TMEM178B: variants seen among roughly 807,000 people sequenced by gnomAD.
TMEM178B encodes transmembrane protein 178B.
Under a neutral mutation model 31.0 loss-of-function variants are expected in TMEM178B, and 5 were observed. The ratio of observed to expected loss-of-function variants is 0.16; its 90% CI spans 0.08 to 0.34. The LOEUF is 0.34. Ranked by LOEUF, TMEM178B falls within the 10% of genes least tolerant of loss-of-function variation. TMEM178B has a pLI of 1.00. For missense variants in TMEM178B, 275 were observed against 400.3 expected, an observed-to-expected ratio of 0.69 and a Z score of 2.67; for synonymous variants, 164 against 164.0, an observed-to-expected ratio of 1.00 and a Z score of 0.00.
chr7:141,402,199 G>A (rs1301749268), intron 2 of TMEM178B, among the ~76,000 whole-genome samples: 1 of 152,178 alleles, frequency 6.6e-6, no homozygotes, highest in Non-Finnish European at 1.5e-5. Context: ...CACAGGCAAT[G>A]GACACTATTC....
chr7:141,270,196 G>A (rs758997906), intron 2 of TMEM178B, among the ~76,000 whole-genome samples: 64 of 152,180 alleles, frequency 4.2e-4, no homozygotes, highest in Non-Finnish European at 7.5e-4. Flanking sequence ...TCAAAGCTCT[G>A]ATTTTTGTAT....
intron 2 of TMEM178B, among the ~76,000 whole-genome samples, chr7:141,263,974 G>A (rs1170049317): frequency 6.6e-6 from 1 of 152,208 alleles, no homozygotes; most frequent in East Asian, 1.9e-4. Context: ...TCCAAATGTG[G>A]AGCTTCTGTT....
chr7:141,133,980 A>G (rs1332482821), intron 1 of TMEM178B, among the ~76,000 whole-genome samples: 1 of 152,158 alleles, frequency 6.6e-6, no homozygotes, highest in Non-Finnish European at 1.5e-5. Flanking sequence ...CATTCCTATA[A>G]TCCTAGTGTT....
intron 2 of TMEM178B, among the ~76,000 whole-genome samples, chr7:141,367,282 C>CT (rs1800026418): frequency 7.0e-6 from 1 of 142,752 alleles, no homozygotes; most frequent in African/African-American, 2.6e-5. Flanking sequence ...TTTTTTTTTT[C>CT]TTTTGAGACT....
intron 2 of TMEM178B, among the ~76,000 whole-genome samples, chr7:141,356,064 G>A (rs1363847515): frequency 6.6e-6 from 1 of 152,162 alleles, no homozygotes; most frequent in East Asian, 1.9e-4. Flanking sequence ...TTATGACTGT[G>A]TAGTATTCTA....
intron 3 of TMEM178B, among the ~76,000 whole-genome samples, chr7:141,444,279 T>C (rs1398029676): frequency 1.3e-5 from 2 of 152,206 alleles, no homozygotes; most frequent in Non-Finnish European, 2.9e-5. Context: ...CATGAAGGGA[T>C]ACCTTCCCTA....
At chr7:141,145,641 G>A (rs187498201) in intron 1 of TMEM178B, among the ~76,000 whole-genome samples, 4 of 152,190 alleles carry the variant, frequency 2.6e-5, no homozygotes, top group East Asian at 1.9e-4. Flanking sequence ...ACACATGAAC[G>A]TGTACAAGAA....
At chr7:141,325,388 G>C (rs966307203) in intron 2 of TMEM178B, among the ~76,000 whole-genome samples, 2 of 152,086 alleles carry the variant, frequency 1.3e-5, no homozygotes, top group Admixed American at 6.5e-5. Context: ...TATTGTTGAT[G>C]CTGTGCTTTT....
chr7:141,480,770 C>T (rs1056491226), downstream of TMEM178B, among the ~76,000 whole-genome samples: 1 of 152,218 alleles, frequency 6.6e-6, no homozygotes. Context: ...AAATTTCTCT[C>T]CTAGTCTTCA....
At chr7:141,157,710 G>T (rs181638687) in intron 1 of TMEM178B, among the ~76,000 whole-genome samples, 1 of 152,160 alleles carries the variant, frequency 6.6e-6, no homozygotes, top group African/African-American at 2.4e-5. Flanking sequence ...CTCACTCCTC[G>T]CAGGTGACTG....
chr7:141,122,663 A>G (rs1217237576), intron 1 of TMEM178B, among the ~76,000 whole-genome samples: 1 of 152,224 alleles, frequency 6.6e-6, no homozygotes, highest in Non-Finnish European at 1.5e-5. Context: ...CACAAATGTA[A>G]TATTATTTAT....
At chr7:141,394,550 T>C (rs1800602746) in intron 2 of TMEM178B, among the ~76,000 whole-genome samples, 2 of 152,212 alleles carry the variant, frequency 1.3e-5, no homozygotes, top group South Asian at 4.1e-4. Context: ...GTAAGTTACA[T>C]TATAAAATGC....
At chr7:141,105,499 TC>T (rs1257494856) in intron 1 of TMEM178B, among the ~76,000 whole-genome samples, 1 of 151,834 alleles carries the variant, frequency 6.6e-6, no homozygotes, top group African/African-American at 2.4e-5. Flanking sequence ...ACAGTGAGAC[TC>T]CATCTCAAAA....
chr7:141,248,138 C>T (rs1218991253), intron 2 of TMEM178B, among the ~76,000 whole-genome samples: 2 of 151,934 alleles, frequency 1.3e-5, no homozygotes, highest in African/African-American at 4.8e-5. Context: ...TGGCCGGGCA[C>T]AGTAGCTCAC....
intron 2 of TMEM178B, among the ~76,000 whole-genome samples, chr7:141,294,870 C>T (rs1798604987): frequency 6.6e-6 from 1 of 152,196 alleles, no homozygotes; most frequent in African/African-American, 2.4e-5. Context: ...TGTGCTACAT[C>T]CTGGTGGAAT....
chr7:141,078,326 T>G (rs1794629209), intron 1 of TMEM178B, among the ~76,000 whole-genome samples: 1 of 152,240 alleles, frequency 6.6e-6, no homozygotes. Flanking sequence ...GAACTTCAAC[T>G]GATACTCTAA....
chr7:141,437,743 G>C lies in TMEM178B; in HGVS notation c.632G>C (p.Gly211Ala). Residue 211 changes from glycine to alanine, a missense_variant and splice_region_variant, in exon 3 of 4, where the codon GGA becomes GCA. Gly to Ala is a moderately conservative substitution (Grantham distance 60). Transcript: ENST00000565468. ...QYVAGLLFLM[G>A]GTFCIISLCT... ...GTGGCAGGGCTGCTCTTCCTCATGGGAGGTAAGGCTACGGGCTCGGCTTGT... is the reference window on the plus strand; with the variant it reads ...GTGGCAGGGCTGCTCTTCCTCATGGCAGGTAAGGCTACGGGCTCGGCTTGT... 10 of 1,536,182 alleles carry C rather than the reference G, an allele frequency of 6.5e-6. No homozygotes were observed. The highest frequency in any genetic ancestry group is 8.7e-6 in the Non-Finnish European group (10 of 1,146,882).
chr7:141,486,237 G>A, the TMEM178B span, among the ~76,000 whole-genome samples: 5 of 152,238 alleles, frequency 3.3e-5, no homozygotes, highest in East Asian at 1.9e-4. Context: ...GATAGACAAC[G>A]GAGACCCAGA....
intron 1 of TMEM178B, among the ~76,000 whole-genome samples, chr7:141,103,791 C>T (rs1795097035): frequency 6.6e-6 from 1 of 152,146 alleles, no homozygotes; most frequent in African/African-American, 2.4e-5. Flanking sequence ...AACACTATTG[C>T]TGACATTTTC....
Sources: allele counts gnomAD v4.1 joint callset (sites outside exome capture counted in the v4.1 genomes callset), GRCh38; gene constraint gnomAD v4.1.1; transcripts MANE v1.5; gene names NCBI Gene and HGNC (gene_info 2026-07-23, HGNC 2026-07-21).